Variants in PGM5 observed in about 807,000 individuals in gnomAD.
PGM5 encodes phosphoglucomutase-like protein 5.
PGM5 carries 23 observed loss-of-function variants against 59.2 expected under a neutral mutation model. The ratio of observed to expected loss-of-function variants is 0.39; its 90% CI spans 0.28 to 0.55. The LOEUF (loss-of-function observed/expected upper bound fraction) is 0.55. Ranked by LOEUF, PGM5 falls within the 20% of genes least tolerant of loss-of-function variation. PGM5 has a pLI of 0.66. For missense variants in PGM5, 574 were observed against 748.3 expected (o/e 0.77, Z 2.72); for synonymous variants, 214 against 286.0 (o/e 0.75, Z 2.54).
chr9:68,440,685 T>C (rs1823510715), intron 6 of PGM5, among the ~76,000 whole-genome samples: 1 of 152,070 alleles, frequency 6.6e-6, no homozygotes, highest in Non-Finnish European at 1.5e-5. Flanking sequence ...GGAGGGAAAT[T>C]CTTTAATATA....
In PGM5 at chr9:68,387,287, G is replaced by T. The variant is rs144525132; in HGVS notation, c.572-176G>T. The stretch of plus-strand genomic sequence containing the variant: ...GAAAAGCTTGTAGTATCTTGATTGT[G>T]CCCTGATTTGTGATTTTTGTCAACA... On this transcript the variant is annotated intron_variant, in intron 3 of 10. Coordinates refer to ENST00000396396, the MANE Select transcript of PGM5 (RefSeq NM_021965.4). Among the ~76,000 whole-genome samples the T allele has an allele frequency of 7.6e-3, 1,149 of 152,120 alleles. 13 individuals are homozygous for T. The highest frequency in any genetic ancestry group is 0.027 in the African/African-American group (1,118 of 41,528).
chr9:68,387,982 T>C (rs1393457712), intron 4 of PGM5, among the ~76,000 whole-genome samples: 2 of 150,436 alleles, frequency 1.3e-5, no homozygotes, highest in African/African-American at 4.9e-5. Context: ...CAGCTGTTTC[T>C]TTTTTGTATT....
chr9:68,384,345 C>T (rs1285044109), intron 2 of PGM5, 53 bp from the exon 3 acceptor site: 19 of 1,317,792 alleles, frequency 1.4e-5, no homozygotes, highest in African/African-American at 4.4e-5. Context: ...CATTTCACTG[C>T]TTGAAACTCA....
At chr9:68,384,905 T>C (rs1160947212) in intron 3 of PGM5, among the ~76,000 whole-genome samples, 1 of 150,896 alleles carries the variant, frequency 6.6e-6, no homozygotes. Context: ...AGTCAATGGG[T>C]TATTAAATTT....
At chr9:68,377,526 C>G (rs769054422) in intron 1 of PGM5, among the ~76,000 whole-genome samples, 3 of 152,082 alleles carry the variant, frequency 2.0e-5, no homozygotes, top group African/African-American at 7.2e-5. Context: ...TGTTCTTCAG[C>G]GCTGTGTTGC....
intron 6 of PGM5, among the ~76,000 whole-genome samples, chr9:68,395,077 A>G (rs1292424737): frequency 6.6e-6 from 1 of 152,082 alleles, no homozygotes; most frequent in Non-Finnish European, 1.5e-5. Flanking sequence ...TCAGAGAGAT[A>G]TTTTCTCCAT....
chr9:68,383,740 TAAAAAA>T (rs61055122), intron 2 of PGM5, among the ~76,000 whole-genome samples: 10 of 106,298 alleles, frequency 9.4e-5, no homozygotes, highest in African/African-American at 2.1e-4. Flanking sequence ...ATATACAAGG[TAAAAAA>T]AAAAAAAAAA....
At position 68,371,685 on chromosome 9, in the gene PGM5, C is replaced by A. The variant is rs1411937287; in HGVS notation, c.262-6514C>A. The stretch of plus-strand genomic sequence containing the variant: ...GGGATAGTCAAGACTCATACCTATG[C>A]CTTTTAACTTCAAGTTGAGTGCTTT... On this transcript the variant is annotated intron_variant, in intron 1 of 10. Transcript: ENST00000396396. 5.3e-5 allele frequency: 8 copies of A among 151,988 alleles called. 1 individual carries two copies. Among genetic ancestry groups the A allele is most frequent in the African/African-American group, 1.9e-4 (8 of 41,386 alleles). 9.4% of individuals were successfully genotyped at this position (151,988 alleles called of 1,614,324 possible).
At chr9:68,443,008 A>G (rs1183957299) in intron 6 of PGM5, among the ~76,000 whole-genome samples, 1 of 152,208 alleles carries the variant, frequency 6.6e-6, no homozygotes, top group Non-Finnish European at 1.5e-5. Context: ...TATAAAACTA[A>G]ACAGATGCTT....
intron 6 of PGM5, among the ~76,000 whole-genome samples, chr9:68,404,507 G>C (rs1405142656): frequency 6.6e-6 from 1 of 152,138 alleles, no homozygotes; most frequent in Non-Finnish European, 1.5e-5. Flanking sequence ...AGATCCTCTA[G>C]TAAATAATAT....
intron 6 of PGM5, among the ~76,000 whole-genome samples, chr9:68,422,445 GTTTTTTGTTTTGTT>G (rs1168998584): frequency 6.6e-6 from 1 of 150,700 alleles, no homozygotes; most frequent in Non-Finnish European, 1.5e-5. Flanking sequence ...GTTTTGTTTT[GTTTTTTGTTTTGTT>G]TTGTTTTTTG....
chr9:68,408,283 T>C (rs1554681310), intron 6 of PGM5, among the ~76,000 whole-genome samples: 1 of 152,230 alleles, frequency 6.6e-6, no homozygotes, highest in African/African-American at 2.4e-5. Context: ...GGCTGGGGTG[T>C]GGCTGCAGGT....
chr9:68,497,040 A>T (rs527601208), intron 9 of PGM5: 1 of 152,252 alleles, frequency 6.6e-6, no homozygotes, highest in African/African-American at 2.4e-5. Flanking sequence ...AAGAGTTTGT[A>T]AAAACAAGGC....
intron 6 of PGM5, among the ~76,000 whole-genome samples, chr9:68,445,388 A>G (rs1456009207): frequency 3.3e-5 from 5 of 152,206 alleles, no homozygotes; most frequent in African/African-American, 1.2e-4. Context: ...AGTCCCTAGA[A>G]GGAAACCCCA....
rs1554675761 is a variant in PGM5 at position 68,357,102 on chromosome 9, C to A, written c.-26C>A. ...GCAGATTCCCTCCGGCTCCGGGAGC[C>A]GCAGCAGGACCGGCCAGGAGGCGCC... On this transcript the variant is annotated 5_prime_UTR_variant, in exon 1 of 11. Transcript: ENST00000396396. 2 of 1,457,988 alleles carry A rather than the reference C, an allele frequency of 1.4e-6. No homozygotes were observed. The highest frequency in any genetic ancestry group is 1.8e-6 in the Non-Finnish European group (2 of 1,110,692). 90.3% of individuals were successfully genotyped at this position (1,457,988 alleles called of 1,614,324 possible).
At chr9:68,372,816 AG>A (rs1392010281) in intron 1 of PGM5, among the ~76,000 whole-genome samples, 1 of 152,092 alleles carries the variant, frequency 6.6e-6, no homozygotes. Context: ...TCACACAGCA[AG>A]AGTGGGAGCA....
intron 7 of PGM5, among the ~76,000 whole-genome samples, chr9:68,472,008 G>C (rs563608151): frequency 2.0e-5 from 3 of 152,094 alleles, no homozygotes; most frequent in Admixed American, 2.0e-4. Flanking sequence ...TATGAGTTAG[G>C]AGCATGCTGG....
intron 1 of PGM5, among the ~76,000 whole-genome samples, chr9:68,373,875 A>G (rs1330951645): frequency 6.6e-6 from 1 of 152,192 alleles, no homozygotes; most frequent in Admixed American, 6.5e-5. Flanking sequence ...CCACATGATT[A>G]CCTGTACTGA....
In PGM5 at chr9:68,383,926, C is replaced by T. The variant is rs572672951; in HGVS notation, c.425-472C>T. On this transcript the variant is annotated intron_variant, in intron 2 of 10. Coordinates refer to ENST00000396396, the MANE Select transcript of PGM5 (RefSeq NM_021965.4). ...TGAGTTGGGGAAAATAATTAACTTACCCTGCTAAGCTCACACATCAATTAG... is the reference window on the plus strand; with the variant it reads ...TGAGTTGGGGAAAATAATTAACTTATCCTGCTAAGCTCACACATCAATTAG... 7.2e-5 allele frequency among the ~76,000 whole-genome samples: 11 copies of T among 151,950 alleles called. No individual in the cohort carries two copies. In the East Asian group the frequency reaches 1.9e-3, roughly 27 times the overall value.
Sources: gnomAD v4.1 joint callset for allele counts (sites outside exome capture counted in the v4.1 genomes callset) on GRCh38, gnomAD v4.1.1 for gene constraint, MANE v1.5 for transcripts, NCBI Gene and HGNC (gene_info 2026-07-23, HGNC 2026-07-21) for gene names.